The following GPC5 variants were observed in gnomAD, a reference collection of about 807,000 sequenced individuals.
GPC5 encodes the protein glypican-5.
In GPC5, 47 loss-of-function variants were observed where a neutral mutation model predicts 53.9. That is an observed-to-expected ratio of 0.87 (90% CI 0.69 to 1.11). The LOEUF (loss-of-function observed/expected upper bound fraction) is 1.11, where lower values mean the gene tolerates loss of function less well. Among genes scored for constraint, GPC5 ranks in the 50% most tolerant of loss-of-function variants. The pLI, the probability that GPC5 is intolerant of heterozygous loss-of-function variation, is 0.00. For missense variants in GPC5, 748 were observed against 713.1 expected (o/e 1.05, Z -0.56); for synonymous variants, 286 against 263.3 (o/e 1.09, Z -0.84).
intron 6 of GPC5, among the ~76,000 whole-genome samples, chr13:92,118,543 G>A (rs761950394): frequency 3.3e-5 from 5 of 151,952 alleles, no homozygotes; most frequent in African/African-American, 2.4e-5. Context: ...GTGGGAAAAC[G>A]AAAAACAAAA....
At chr13:92,120,712 A>G (rs544953728) in intron 6 of GPC5, among the ~76,000 whole-genome samples, 7 of 152,342 alleles carry the variant, frequency 4.6e-5, no homozygotes, top group African/African-American at 1.7e-4. Context: ...TAATGTTAAA[A>G]TTGTGTTTAA....
At chr13:91,481,392 G>T (rs1883290571) in intron 2 of GPC5, among the ~76,000 whole-genome samples, 1 of 152,094 alleles carries the variant, frequency 6.6e-6, no homozygotes. Context: ...TCACATTTTG[G>T]TACATAGAAA....
intron 5 of GPC5, among the ~76,000 whole-genome samples, chr13:91,777,647 A>G (rs1047992576): frequency 6.6e-6 from 1 of 152,196 alleles, no homozygotes; most frequent in African/African-American, 2.4e-5. Context: ...TGTATTTTAA[A>G]TTAAAAAATG....
chr13:92,552,541 G>T (rs1421605785), intron 7 of GPC5, among the ~76,000 whole-genome samples: 1 of 151,874 alleles, frequency 6.6e-6, no homozygotes, highest in Non-Finnish European at 1.5e-5. Flanking sequence ...ATTTGCCAGT[G>T]ACATCAAAAT....
At chr13:92,555,073 T>C (rs1482024826) in intron 7 of GPC5, among the ~76,000 whole-genome samples, 2 of 151,504 alleles carry the variant, frequency 1.3e-5, no homozygotes, top group African/African-American at 2.4e-5. Context: ...ATTATGGTGG[T>C]ATTTGCACAA....
rs371548920 is a variant in GPC5, at chr13:92,478,864, A to T, written c.1561+333875A>T. Among the ~76,000 whole-genome samples the T allele has an allele frequency of 1.4e-3, 211 of 152,258 alleles. 2 individuals are homozygous for T. In the South Asian group the frequency reaches 0.041, roughly 30 times the overall value. On this transcript the variant is annotated intron_variant, in intron 7 of 7. Coordinates refer to ENST00000377067, the MANE Select transcript of GPC5 (RefSeq NM_004466.6). Reference sequence around the variant, plus strand: ...TTGCTTCTTAGTATTTAATATATGCATTATGTGCTTTTTAATTTTTTTGTC... The same window carrying T: ...TTGCTTCTTAGTATTTAATATATGCTTTATGTGCTTTTTAATTTTTTTGTC...
At chr13:91,880,769 C>T (rs2039255470) in intron 5 of GPC5, among the ~76,000 whole-genome samples, 1 of 151,918 alleles carries the variant, frequency 6.6e-6, no homozygotes, top group Admixed American at 6.6e-5. Context: ...ATTATAGTAA[C>T]ATTTTTTGTT....
intron 7 of GPC5, among the ~76,000 whole-genome samples, chr13:92,312,664 T>C (rs1280193696): frequency 6.6e-6 from 1 of 152,194 alleles, no homozygotes; most frequent in Non-Finnish European, 1.5e-5. Context: ...AATTGTCATT[T>C]GTTGACATAT....
At chr13:91,802,549 C>G (rs1272967198) in intron 5 of GPC5, among the ~76,000 whole-genome samples, 1 of 152,144 alleles carries the variant, frequency 6.6e-6, no homozygotes, top group Non-Finnish European at 1.5e-5. Flanking sequence ...AGCTTTTATT[C>G]CCTTATTTGG....
chr13:91,969,967 A>G (rs1401561576), intron 6 of GPC5, among the ~76,000 whole-genome samples: 1 of 152,214 alleles, frequency 6.6e-6, no homozygotes, highest in Non-Finnish European at 1.5e-5. Context: ...ATGCACTCCC[A>G]TGTTGTTTTT....
rs569690846 is a variant in GPC5 at position 91,551,328 on chromosome 13, C to A, written c.325+102406C>A. The stretch of plus-strand genomic sequence containing the variant: ...ATTGTCATTATATTTATTGCTCAGT[C>A]ATCCATTTTATTTTATCTGAACTAT... On this transcript the variant is annotated intron_variant, in intron 2 of 7. Coordinates refer to ENST00000377067, the MANE Select transcript of GPC5 (RefSeq NM_004466.6). Among the ~76,000 whole-genome samples, 7 of 152,208 alleles carry A rather than the reference C, an allele frequency of 4.6e-5. No homozygotes were observed. In the South Asian group the frequency reaches 1.5e-3, roughly 32 times the overall value.
intron 6 of GPC5, among the ~76,000 whole-genome samples, chr13:91,975,294 T>A (rs1327128199): frequency 6.6e-6 from 1 of 152,088 alleles, no homozygotes. Context: ...CTAAAGAGCT[T>A]CTGCACAGCA....
At chr13:92,602,286 G>A (rs1884104278) in intron 7 of GPC5, among the ~76,000 whole-genome samples, 1 of 132,738 alleles carries the variant, frequency 7.5e-6, no homozygotes, top group South Asian at 2.3e-4. Context: ...ATGTATTTAT[G>A]AGTACTCTGT....
At chr13:92,476,812 C>T (rs1407086529) in intron 7 of GPC5, among the ~76,000 whole-genome samples, 6 of 144,222 alleles carry the variant, frequency 4.2e-5, no homozygotes, top group Admixed American at 2.9e-4. Context: ...CCAAACACCG[C>T]ATATTCTCAC....
chr13:92,518,459 TG>T (rs1453644177), intron 7 of GPC5, among the ~76,000 whole-genome samples: 1 of 151,810 alleles, frequency 6.6e-6, no homozygotes, highest in African/African-American at 2.4e-5. Flanking sequence ...CAGAAGAGAG[TG>T]GGGGCCAATA....
At chr13:91,642,313 T>C (rs1218175221) in intron 2 of GPC5, among the ~76,000 whole-genome samples, 1 of 152,094 alleles carries the variant, frequency 6.6e-6, no homozygotes, top group Non-Finnish European at 1.5e-5. Flanking sequence ...AATAAAGTCA[T>C]TGGGAGAAGG....
At chr13:92,466,514 C>T (rs1040205662) in intron 7 of GPC5, among the ~76,000 whole-genome samples, 2 of 151,882 alleles carry the variant, frequency 1.3e-5, no homozygotes, top group South Asian at 2.1e-4. Flanking sequence ...GACTGGTTTA[C>T]AATGTATCAC....
At chr13:92,663,463 G>A (rs1412701204) in intron 7 of GPC5, among the ~76,000 whole-genome samples, 1 of 150,998 alleles carries the variant, frequency 6.6e-6, no homozygotes, top group African/African-American at 2.4e-5. Context: ...AACAGGTGGG[G>A]CGCGGTGGCT....
At chr13:92,047,343 C>T (rs2040990328) in intron 6 of GPC5, among the ~76,000 whole-genome samples, 1 of 151,906 alleles carries the variant, frequency 6.6e-6, no homozygotes, top group Non-Finnish European at 1.5e-5. Flanking sequence ...AGATGGGTTC[C>T]AGTAATGAAA....
Sources: allele counts gnomAD v4.1 joint callset (sites outside exome capture counted in the v4.1 genomes callset), GRCh38; gene constraint gnomAD v4.1.1; transcripts MANE v1.5; gene names NCBI Gene and HGNC (gene_info 2026-07-23, HGNC 2026-07-21).